Variants in LINGO2 observed in about 807,000 individuals in gnomAD.
LINGO2 encodes leucine-rich repeat and immunoglobulin-like domain-containing nogo receptor-interacting protein 2.
In LINGO2, 14 loss-of-function variants were observed where a neutral mutation model predicts 30.6. The ratio of observed to expected loss-of-function variants is 0.46; its 90% confidence interval spans 0.30 to 0.72. LINGO2 has a LOEUF of 0.72. Among genes scored for constraint, LINGO2 ranks in the 30% least tolerant of loss-of-function variants. The probability of loss-of-function intolerance (pLI) is 0.07; values close to 1 mark genes in which losing one functional copy is unlikely to be tolerated. For synonymous variants in LINGO2, 317 were observed against 288.5 expected (o/e 1.10, Z -1.00); for missense variants, 729 against 751.7 (o/e 0.97, Z 0.35).
intron 3 of LINGO2, among the ~76,000 whole-genome samples, chr9:28,315,084 T>C (rs1237278361): frequency 6.6e-6 from 1 of 150,698 alleles, no homozygotes; most frequent in Non-Finnish European, 1.5e-5. Flanking sequence ...TGTATTCTAA[T>C]AATTCCCAAA....
intron 4 of LINGO2, among the ~76,000 whole-genome samples, chr9:28,189,173 CA>C (rs894788784): frequency 5.7e-4 from 83 of 146,080 alleles, no homozygotes; most frequent in African/African-American, 2.0e-3. Flanking sequence ...GAAATGAAAA[CA>C]AAGATAGCCA....
chr9:28,437,228 T>C (rs933314820), intron 2 of LINGO2, among the ~76,000 whole-genome samples: 12 of 152,196 alleles, frequency 7.9e-5, no homozygotes, highest in African/African-American at 2.4e-4. Flanking sequence ...AACACTTTTC[T>C]TTCTTTGTCC....
the LINGO2 span, among the ~76,000 whole-genome samples, chr9:28,978,872 G>C: frequency 2.0e-5 from 3 of 151,970 alleles, no homozygotes; most frequent in African/African-American, 7.2e-5. Flanking sequence ...TATTCTCTCA[G>C]AAATAAAATG....
intron 1 of LINGO2, among the ~76,000 whole-genome samples, chr9:28,545,334 G>C (rs1280870331): frequency 1.3e-5 from 2 of 152,030 alleles, no homozygotes; most frequent in African/African-American, 2.4e-5. Context: ...GATTACTAAA[G>C]AGCATTGTGA....
chr9:28,569,867 T>C (rs1041955008), intron 1 of LINGO2, among the ~76,000 whole-genome samples: 3 of 152,134 alleles, frequency 2.0e-5, no homozygotes, highest in African/African-American at 7.2e-5. Flanking sequence ...TTTCACAATA[T>C]ATGCATGTAT....
At chr9:28,936,757 G>A in the LINGO2 span, among the ~76,000 whole-genome samples, 1 of 152,184 alleles carries the variant, frequency 6.6e-6, no homozygotes, top group Non-Finnish European at 1.5e-5. Flanking sequence ...ATTATTATAA[G>A]TGGTCAGTCA....
chr9:28,311,058 T>C (rs1179014381), intron 3 of LINGO2, among the ~76,000 whole-genome samples: 1 of 152,142 alleles, frequency 6.6e-6, no homozygotes, highest in Non-Finnish European at 1.5e-5. Context: ...TCAGCCGGTC[T>C]GAGAAATAAA....
At chr9:29,092,046 T>G in the LINGO2 span, among the ~76,000 whole-genome samples, 1 of 151,974 alleles carries the variant, frequency 6.6e-6, no homozygotes, top group Admixed American at 6.6e-5. Context: ...GCAAAATAAA[T>G]AATAATGATG....
chr9:28,258,709 A>G (rs573026654), intron 4 of LINGO2, among the ~76,000 whole-genome samples: 1 of 152,100 alleles, frequency 6.6e-6, no homozygotes, highest in East Asian at 1.9e-4. Flanking sequence ...AAAGCTGTGA[A>G]CTACAACACG....
chr9:28,858,553 C>T, the LINGO2 span, among the ~76,000 whole-genome samples: 1 of 151,974 alleles, frequency 6.6e-6, no homozygotes, highest in African/African-American at 2.4e-5. Flanking sequence ...TCTGTCCCCC[C>T]GTCGCAGCTC....
chr9:28,025,207 T>G (rs1046875988), intron 4 of LINGO2, among the ~76,000 whole-genome samples: 6 of 152,186 alleles, frequency 3.9e-5, no homozygotes, highest in African/African-American at 1.4e-4. Context: ...TTTCATTCAG[T>G]CACCACTATT....
At chr9:28,716,284 A>G in the LINGO2 span, among the ~76,000 whole-genome samples, 1 of 152,044 alleles carries the variant, frequency 6.6e-6, no homozygotes, top group Admixed American at 6.6e-5. Flanking sequence ...TACAAAGAGA[A>G]AAATTAGAAA....
the LINGO2 span, among the ~76,000 whole-genome samples, chr9:29,051,563 C>A: frequency 2.0e-5 from 3 of 152,090 alleles, no homozygotes; most frequent in Non-Finnish European, 4.4e-5. Flanking sequence ...TCCTCTGTTC[C>A]CTAATGTCCA....
At chr9:28,733,592 GAA>G in the LINGO2 span, among the ~76,000 whole-genome samples, 1 of 152,094 alleles carries the variant, frequency 6.6e-6, no homozygotes, top group African/African-American at 2.4e-5. Flanking sequence ...AGGTCACCTT[GAA>G]AGCATGATTC....
At chr9:29,105,207 A>G in the LINGO2 span, among the ~76,000 whole-genome samples, 1 of 152,214 alleles carries the variant, frequency 6.6e-6, no homozygotes, top group Non-Finnish European at 1.5e-5. Flanking sequence ...ATTACAAAAT[A>G]AAAATAAAAC....
chr9:28,479,956 T>TATATACAC (rs1491144467), intron 1 of LINGO2, among the ~76,000 whole-genome samples: 3 of 105,024 alleles, frequency 2.9e-5, no homozygotes, highest in African/African-American at 1.1e-4. Flanking sequence ...TATATATATA[T>TATATACAC]GTACATTTTG....
the LINGO2 span, among the ~76,000 whole-genome samples, chr9:28,975,600 C>A: frequency 6.6e-6 from 1 of 152,154 alleles, no homozygotes; most frequent in Non-Finnish European, 1.5e-5. Flanking sequence ...CCCACTGGGG[C>A]TCATATACAA....
At chr9:28,060,578 C>A (rs1333588585) in intron 4 of LINGO2, among the ~76,000 whole-genome samples, 1 of 152,146 alleles carries the variant, frequency 6.6e-6, no homozygotes, top group Non-Finnish European at 1.5e-5. Context: ...AGCAGTCTGA[C>A]TTTAGAGCTT....
intron 1 of LINGO2, among the ~76,000 whole-genome samples, chr9:28,540,359 C>T (rs768601142): frequency 1.3e-5 from 2 of 151,942 alleles, no homozygotes; most frequent in Admixed American, 6.6e-5. Flanking sequence ...TCTCCAGGCT[C>T]AGGCGTTCCT....
Sources: gnomAD v4.1 joint callset for allele counts (sites outside exome capture counted in the v4.1 genomes callset) on GRCh38, gnomAD v4.1.1 for gene constraint, MANE v1.5 for transcripts, NCBI Gene and HGNC (gene_info 2026-07-23, HGNC 2026-07-21) for gene names.